LRPPRC: variants seen among roughly 807,000 people sequenced by gnomAD.
LRPPRC encodes leucine rich pentatricopeptide repeat containing, also known as leucine-rich PPR motif-containing protein, mitochondrial.
In LRPPRC, 120 loss-of-function variants were observed where a neutral mutation model predicts 180.3. The observed-to-expected ratio is 0.67, with a 90% confidence interval of 0.57 to 0.77. The LOEUF is 0.77. Ranked by LOEUF, LRPPRC falls within the 30% of genes least tolerant of loss-of-function variation. LRPPRC has a pLI of 0.00. For synonymous variants in LRPPRC, 723 were observed against 600.0 expected (o/e 1.21, Z -3.00); for missense variants, 2,012 against 1,657.2 (o/e 1.21, Z -3.72).
At chr2:43,904,954 G>C (rs1021352988) in intron 31 of LRPPRC, among the ~76,000 whole-genome samples, 1 of 152,068 alleles carries the variant, frequency 6.6e-6, no homozygotes, top group Non-Finnish European at 1.5e-5. Context: ...ATTCGTCATA[G>C]TGCCCCTTGG....
chr2:43,894,643 T>C lies in LRPPRC; in HGVS notation c.3901-14A>G, dbSNP rs764713386. 31 of 1,337,976 alleles carry C rather than the reference T, an allele frequency of 2.3e-5. No homozygotes were observed. Among genetic ancestry groups the C allele is most frequent in the African/African-American group, 4.3e-5 (3 of 69,864 alleles). The allele number at this position is 1,337,976 out of a possible 1,614,324, so 82.9% of individuals were successfully genotyped here. On this transcript the variant is annotated splice_polypyrimidine_tract_variant and intron_variant, in intron 35 of 37. Coordinates refer to ENST00000260665, the MANE Select transcript of LRPPRC (RefSeq NM_133259.4). ...CACAGTTGATGCCTAGGAAATTACA[T>C]AAAGGTAATATTATGAAAACCGCAA... is the stretch of plus-strand genomic sequence containing the variant.
chr2:43,898,394 A>G (rs924265517), intron 34 of LRPPRC, among the ~76,000 whole-genome samples: 1 of 152,198 alleles, frequency 6.6e-6, no homozygotes, highest in African/African-American at 2.4e-5. Context: ...ACTATTTACG[A>G]TCAGAAATTG....
At position 43,982,256 on chromosome 2, in the gene LRPPRC, T is replaced by C. The variant is rs1198850545; in HGVS notation, c.328A>G (p.Asn110Asp). The C allele has an allele frequency of 1.2e-5, 19 of 1,572,888 alleles. No homozygotes were observed. Among genetic ancestry groups the C allele is most frequent in the Non-Finnish European group, 1.5e-5 (18 of 1,163,734 alleles). The stretch of plus-strand genomic sequence containing the variant: ...GAAATACCTGAGCGGCAGGTATCAT[T>C]AAAAACTTTTTGTAGAAGCTTCTTT... ...IPKKLLQKVF[N>D]DTCRSGGLGG... The change falls in exon 2 of 38, where the codon AAT becomes GAT. Residue 110 changes from asparagine (N) to aspartate (D), a missense_variant. Physicochemically the swap from Asn to Asp is conservative, Grantham distance 23. Coordinates refer to ENST00000260665, the MANE Select transcript of LRPPRC (RefSeq NM_133259.4).
chr2:43,913,962 T>A (rs1014386794), intron 29 of LRPPRC, among the ~76,000 whole-genome samples: 2 of 152,232 alleles, frequency 1.3e-5, no homozygotes, highest in Admixed American at 6.5e-5. Flanking sequence ...CCAGTATCAA[T>A]GCATCACAAA....
At chr2:43,966,908 G>T (rs1373372557) in intron 11 of LRPPRC, among the ~76,000 whole-genome samples, 2 of 151,550 alleles carry the variant, frequency 1.3e-5, no homozygotes, top group African/African-American at 2.4e-5. Context: ...AAAATTTGCT[G>T]GGTGTGGTGG....
chr2:43,937,712 T>A (rs1672325875), intron 23 of LRPPRC, among the ~76,000 whole-genome samples: 3 of 152,182 alleles, frequency 2.0e-5, no homozygotes, highest in Admixed American at 1.3e-4. Context: ...TCCCTCCTAG[T>A]TCTAACAGGT....
intron 14 of LRPPRC, among the ~76,000 whole-genome samples, chr2:43,952,494 A>G (rs1224497752): frequency 6.6e-6 from 1 of 152,198 alleles, no homozygotes; most frequent in African/African-American, 2.4e-5. Context: ...TAAAATTACC[A>G]GTGATTTTTA....
chr2:43,968,446 T>A (rs907667771), intron 11 of LRPPRC, among the ~76,000 whole-genome samples: 1 of 152,188 alleles, frequency 6.6e-6, no homozygotes, highest in African/African-American at 2.4e-5. Flanking sequence ...TGGTCTAAAT[T>A]CTTAGGGCAA....
chr2:43,959,946 G>A (rs961116550), intron 13 of LRPPRC, among the ~76,000 whole-genome samples: 2 of 152,118 alleles, frequency 1.3e-5, no homozygotes, highest in African/African-American at 4.8e-5. Context: ...GCTAAAGTCT[G>A]AACATCTTAC....
Position 43,888,477 on chromosome 2 carries a change from T to G in LRPPRC, c.*123A>C. The G allele has an allele frequency of 1.5e-6, 1 of 668,802 alleles. No individual in the cohort carries two copies. The highest frequency in any genetic ancestry group is 1.8e-5 in the African/African-American group (1 of 55,768). 41.4% of individuals were successfully genotyped at this position (668,802 alleles called of 1,614,324 possible). On this transcript the variant is annotated 3_prime_UTR_variant, in exon 38 of 38. Coordinates refer to ENST00000260665, the MANE Select transcript of LRPPRC (RefSeq NM_133259.4). ...GTTATGGTCAATAAGACTTTGAACA[T>G]GCATCACACATACATAAGTACATAA...
In LRPPRC at chr2:43,982,451, A is replaced by C. The variant is rs1674355781; in HGVS notation, c.150-17T>G. 1.3e-6 allele frequency: 2 copies of C among 1,572,526 alleles called. No individual in the cohort carries two copies. Among genetic ancestry groups the C allele is most frequent in the South Asian group, 1.1e-5 (1 of 89,936 alleles). Reference sequence around the variant, plus strand: ...AGTAGTCCTCTAAAAAATGAAACATAATTAATAATAATCAGTTGCTATCTA... The same window carrying C: ...AGTAGTCCTCTAAAAAATGAAACATCATTAATAATAATCAGTTGCTATCTA... On this transcript the variant is annotated splice_polypyrimidine_tract_variant and intron_variant, in intron 1 of 37. Coordinates refer to ENST00000260665, the MANE Select transcript of LRPPRC (RefSeq NM_133259.4).
At position 43,974,243 on chromosome 2, in the gene LRPPRC, C is replaced by T. The variant is rs143574934; in HGVS notation, c.1062G>A (p.Ala354=). ...LLVTEKLEDV[A]LQILLACPVS... ...CGGGGCATGCTAGTAAAATTTGCAA[C>T]GCTACATCTTCCAATTTTTCAGTGA... The change falls in exon 9 of 38, where the codon GCG becomes GCA. Residue 354 remains alanine (A), a synonymous_variant. Coordinates refer to ENST00000260665, the MANE Select transcript of LRPPRC (RefSeq NM_133259.4). 3.2e-5 allele frequency: 52 copies of T among 1,611,104 alleles called. No individual in the cohort carries two copies. Among genetic ancestry groups the T allele is most frequent in the African/African-American group, 3.1e-4 (23 of 74,862 alleles).
intron 25 of LRPPRC, among the ~76,000 whole-genome samples, chr2:43,926,801 G>A (rs1365197999): frequency 2.0e-5 from 3 of 152,156 alleles, no homozygotes; most frequent in Non-Finnish European, 2.9e-5. Flanking sequence ...ATTGGCTTTC[G>A]TTTTTAAAAG....
At chr2:43,908,448 T>TTA (rs1671137481) in intron 30 of LRPPRC, among the ~76,000 whole-genome samples, 1 of 152,186 alleles carries the variant, frequency 6.6e-6, no homozygotes, top group Non-Finnish European at 1.5e-5. Flanking sequence ...GAAGAAATCT[T>TTA]ATTAGAGGTC....
chr2:43,983,048 G>A (rs989782275), intron 1 of LRPPRC, among the ~76,000 whole-genome samples: 1 of 151,848 alleles, frequency 6.6e-6, no homozygotes. Flanking sequence ...CTGTCAAAAT[G>A]TTAGCTGTAT....
intron 23 of LRPPRC, among the ~76,000 whole-genome samples, chr2:43,942,083 T>TC (rs1251255818): frequency 6.6e-6 from 1 of 152,074 alleles, no homozygotes; most frequent in Non-Finnish European, 1.5e-5. Flanking sequence ...GTTTCCATTT[T>TC]CCCATGGGTA....
At chr2:43,969,734 C>A (rs1423129446) in intron 11 of LRPPRC, among the ~76,000 whole-genome samples, 1 of 152,098 alleles carries the variant, frequency 6.6e-6, no homozygotes, top group Non-Finnish European at 1.5e-5. Flanking sequence ...CACTTTGTCA[C>A]GCAGGCTAGA....
intron 27 of LRPPRC, among the ~76,000 whole-genome samples, chr2:43,922,346 CA>C (rs1482119704): frequency 1.3e-5 from 2 of 152,086 alleles, no homozygotes; most frequent in Admixed American, 6.5e-5. Flanking sequence ...TGATTTACAA[CA>C]AAATTAAGTG....
At chr2:43,909,152 C>T (rs1671166327) in intron 30 of LRPPRC, among the ~76,000 whole-genome samples, 1 of 152,192 alleles carries the variant, frequency 6.6e-6, no homozygotes, top group Admixed American at 6.5e-5. Flanking sequence ...CTTGAACTTT[C>T]ACTTCTGAAT....
Sources: gnomAD v4.1 joint callset for allele counts (sites outside exome capture counted in the v4.1 genomes callset) on GRCh38, gnomAD v4.1.1 for gene constraint, MANE v1.5 for transcripts, NCBI Gene and HGNC (gene_info 2026-07-23, HGNC 2026-07-21) for gene names.